HECW2: variants seen among roughly 807,000 people sequenced by gnomAD.
HECW2 encodes the protein E3 ubiquitin-protein ligase HECW2.
Under a neutral mutation model 175.2 loss-of-function variants are expected in HECW2, and 61 were observed. The ratio of observed to expected loss-of-function variants is 0.35; its 90% CI spans 0.28 to 0.43. The LOEUF (loss-of-function observed/expected upper bound fraction) is 0.43, where lower values mean the gene tolerates loss of function less well. HECW2 is among the 20% of genes least tolerant of loss of function. HECW2 has a pLI of 1.00. For missense variants in HECW2, 1,524 were observed against 2,000.5 expected, an observed-to-expected ratio of 0.76 and a Z score of 4.54; for synonymous variants, 671 against 731.0, an observed-to-expected ratio of 0.92 and a Z score of 1.32.
At chr2:196,349,445 C>T (rs1333853161) in intron 2 of HECW2, among the ~76,000 whole-genome samples, 2 of 152,044 alleles carry the variant, frequency 1.3e-5, no homozygotes, top group Admixed American at 6.6e-5. Context: ...AAGCTTGTCC[C>T]TTTGTGTCTC....
At chr2:196,517,143 A>G (rs988843478) in intron 1 of HECW2, among the ~76,000 whole-genome samples, 1 of 152,228 alleles carries the variant, frequency 6.6e-6, no homozygotes. Context: ...CCGCTCATTC[A>G]TACAAGGAGG....
intron 1 of HECW2, among the ~76,000 whole-genome samples, chr2:196,536,350 CT>C (rs1689021825): frequency 6.6e-6 from 1 of 152,128 alleles, no homozygotes; most frequent in Non-Finnish European, 1.5e-5. Context: ...TGAGAGTATT[CT>C]GCATAAGGGA....
intron 1 of HECW2, among the ~76,000 whole-genome samples, chr2:196,474,720 CT>C (rs1226090020): frequency 2.0e-5 from 3 of 152,118 alleles, no homozygotes; most frequent in Non-Finnish European, 2.9e-5. Context: ...CCATTGCCAT[CT>C]TTTTTTAGGA....
At chr2:196,359,999 G>C (rs768785734) in intron 2 of HECW2, among the ~76,000 whole-genome samples, 2 of 152,146 alleles carry the variant, frequency 1.3e-5, no homozygotes, top group African/African-American at 4.8e-5. Context: ...AGCTACTCAG[G>C]ATGCTGAGGC....
intron 2 of HECW2, among the ~76,000 whole-genome samples, chr2:196,394,735 C>T (rs13391760): frequency 0.15 from 22,427 of 152,102 alleles, 1,960 homozygotes; most frequent in African/African-American, 0.23. Context: ...AAAATGTCTG[C>T]CATTCATTGG....
At chr2:196,493,982 CG>C (rs1687293736) in intron 1 of HECW2, among the ~76,000 whole-genome samples, 1 of 152,110 alleles carries the variant, frequency 6.6e-6, no homozygotes, top group African/African-American at 2.4e-5. Flanking sequence ...GGATAAATTG[CG>C]CTAGAAACAA....
intron 1 of HECW2, among the ~76,000 whole-genome samples, chr2:196,554,197 G>A (rs1249155200): frequency 6.6e-6 from 1 of 151,966 alleles, no homozygotes; most frequent in Non-Finnish European, 1.5e-5. Context: ...GCAGTGGCGG[G>A]CGCCTGTAGT....
intron 2 of HECW2, among the ~76,000 whole-genome samples, chr2:196,431,836 A>T (rs1403316385): frequency 6.6e-6 from 1 of 152,266 alleles, no homozygotes; most frequent in Non-Finnish European, 1.5e-5. Context: ...TGCCCAGTTT[A>T]GATTTTTTGC....
At chr2:196,410,347 G>A (rs1243907173) in intron 2 of HECW2, among the ~76,000 whole-genome samples, 1 of 152,210 alleles carries the variant, frequency 6.6e-6, no homozygotes, top group Non-Finnish European at 1.5e-5. Context: ...GGATCTATTT[G>A]TAAGTGTGTT....
At chr2:196,479,015 G>T (rs979116175) in intron 1 of HECW2, among the ~76,000 whole-genome samples, 3 of 152,214 alleles carry the variant, frequency 2.0e-5, no homozygotes, top group Non-Finnish European at 4.4e-5. Context: ...ACATAATTCA[G>T]AACAATACAG....
intron 2 of HECW2, among the ~76,000 whole-genome samples, chr2:196,355,296 T>C (rs1171650491): frequency 7.2e-5 from 11 of 152,234 alleles, no homozygotes; most frequent in Admixed American, 2.6e-4. Flanking sequence ...GCATGGCTAC[T>C]TTCCTTTGGC....
rs542357181 is a variant in HECW2, at chr2:196,572,862, C to T, written c.-36+20646G>A. Among the ~76,000 whole-genome samples the T allele has an allele frequency of 2.0e-4, 31 of 152,284 alleles. No homozygotes were observed. The South Asian group carries it at 6.4e-3, about 32-fold the overall frequency. ...CTCACCAAGAACCCAACCCTGCTGGCACTCTGATCTTGGTTGTCCAACCTC... is the reference window on the plus strand; with the variant it reads ...CTCACCAAGAACCCAACCCTGCTGGTACTCTGATCTTGGTTGTCCAACCTC... On this transcript the variant is annotated intron_variant, in intron 1 of 28. Transcript: ENST00000644978.
chr2:196,533,804 CT>C (rs1357047188), intron 1 of HECW2, among the ~76,000 whole-genome samples: 2 of 152,136 alleles, frequency 1.3e-5, no homozygotes, highest in East Asian at 3.8e-4. Flanking sequence ...AAGATGAAAG[CT>C]TTACAACTGC....
chr2:196,526,756 C>T (rs1337676239), intron 1 of HECW2, among the ~76,000 whole-genome samples: 7 of 151,968 alleles, frequency 4.6e-5, no homozygotes, highest in Admixed American at 1.3e-4. Flanking sequence ...GTCAGTGTGC[C>T]CCTGCTGGGG....
chr2:196,508,466 G>A (rs1056064451), intron 1 of HECW2, among the ~76,000 whole-genome samples: 6 of 152,240 alleles, frequency 3.9e-5, no homozygotes, highest in Non-Finnish European at 7.3e-5. Context: ...TGAAGCTGAT[G>A]AGCAGGAAAT....
intron 1 of HECW2, among the ~76,000 whole-genome samples, chr2:196,513,753 A>G (rs1265925163): frequency 6.6e-6 from 1 of 152,244 alleles, no homozygotes; most frequent in African/African-American, 2.4e-5. Context: ...AGAGCGGATA[A>G]AAGGGATCAT....
chr2:196,268,592 A>G (rs528696040), intron 17 of HECW2, among the ~76,000 whole-genome samples: 1 of 152,364 alleles, frequency 6.6e-6, no homozygotes, highest in South Asian at 2.1e-4. Flanking sequence ...CAGGTAGATT[A>G]GATCACCTAA....
At chr2:196,217,296 C>T (rs1687512514) in intron 26 of HECW2, 1 of 419,964 alleles carries the variant, frequency 2.4e-6, no homozygotes, top group South Asian at 5.8e-5. Flanking sequence ...TAAGTGAAAC[C>T]AAGAGGTCTC....
rs1686803996 is a variant in HECW2 at position 196,480,492 on chromosome 2, C to T, written c.-35-47034G>A. 2.0e-5 allele frequency among the ~76,000 whole-genome samples: 3 copies of T among 152,308 alleles called. No individual in the cohort carries two copies. In the South Asian group the frequency reaches 6.2e-4, roughly 32 times the overall value. On this transcript the variant is annotated intron_variant, in intron 1 of 28. Transcript: ENST00000644978. Reference sequence around the variant, plus strand: ...GAGGATCCCAGCCTAGGACAGGTAGCATATTCCATCCCCCAGCCACAGTGA... The same window carrying T: ...GAGGATCCCAGCCTAGGACAGGTAGTATATTCCATCCCCCAGCCACAGTGA...
Sources: allele counts gnomAD v4.1 joint callset (sites outside exome capture counted in the v4.1 genomes callset), GRCh38; gene constraint gnomAD v4.1.1; transcripts MANE v1.5; gene names NCBI Gene and HGNC (gene_info 2026-07-23, HGNC 2026-07-21).